The following KCNIP4 variants were observed in gnomAD, a reference collection of about 807,000 sequenced individuals.
KCNIP4 encodes potassium voltage-gated channel interacting protein 4.
A neutral mutation model predicts 34.0 loss-of-function variants in KCNIP4; 12 were observed. The observed-to-expected ratio is 0.35, with a 90% confidence interval of 0.23 to 0.57. The LOEUF is 0.57. Ranked by LOEUF, KCNIP4 falls within the 20% of genes least tolerant of loss-of-function variation. The probability of loss-of-function intolerance (pLI) is 0.83; values close to 1 mark genes in which losing one functional copy is unlikely to be tolerated. For synonymous variants in KCNIP4, 124 were observed against 102.2 expected, an observed-to-expected ratio of 1.21 and a Z score of -1.29; for missense variants, 238 against 311.7, an observed-to-expected ratio of 0.76 and a Z score of 1.78.
intron 1 of KCNIP4, among the ~76,000 whole-genome samples, chr4:21,072,422 T>C (rs1303588431): frequency 6.6e-6 from 1 of 152,220 alleles, no homozygotes; most frequent in African/African-American, 2.4e-5. Context: ...CATGTGTCTG[T>C]TGGCTGCATA....
Position 20,835,824 on chromosome 4 carries a change from GTTGT to G in KCNIP4, c.288+14715_288+14718del, listed in dbSNP as rs1460782045. Among the ~76,000 whole-genome samples, 23 of 152,026 alleles carry G rather than the reference GTTGT, an allele frequency of 1.5e-4. No individual in the cohort carries two copies. The South Asian group carries it at 1.9e-3, about 12-fold the overall frequency. On this transcript the variant is annotated intron_variant, in intron 3 of 8. Transcript: ENST00000382152. ...AGTAAATGGTAAGAATACCTGCCTA[GTTGT>G]TTAAGTCAGAAAACTTGGAATCATC...
At chr4:21,336,947 G>A (rs1716235738) in intron 1 of KCNIP4, among the ~76,000 whole-genome samples, 1 of 151,952 alleles carries the variant, frequency 6.6e-6, no homozygotes, top group African/African-American at 2.4e-5. Flanking sequence ...TCTAAATAGG[G>A]GTGAGGAAGA....
At chr4:21,280,865 G>C (rs1267444945) in intron 1 of KCNIP4, among the ~76,000 whole-genome samples, 1 of 152,140 alleles carries the variant, frequency 6.6e-6, no homozygotes, top group African/African-American at 2.4e-5. Flanking sequence ...GTGGGCCATA[G>C]TGGTTTGGGT....
chr4:21,640,775 C>T, intron 1 of KCNIP4, among the ~76,000 whole-genome samples: 1 of 152,148 alleles, frequency 6.6e-6, no homozygotes, highest in East Asian at 1.9e-4. Context: ...CAAGAGAAGG[C>T]TCTGCAACAG....
chr4:21,577,522 T>C (rs369504752), intron 1 of KCNIP4, among the ~76,000 whole-genome samples: 38 of 152,146 alleles, frequency 2.5e-4, no homozygotes, highest in African/African-American at 8.7e-4. Flanking sequence ...TCCCAGCTAC[T>C]TGGGAGGCTG....
At chr4:21,379,714 C>T (rs1721302367) in intron 1 of KCNIP4, among the ~76,000 whole-genome samples, 1 of 152,190 alleles carries the variant, frequency 6.6e-6, no homozygotes. Context: ...CTTCATCCTT[C>T]AAGAAACAGT....
At chr4:21,588,050 T>C (rs1741783931) in intron 1 of KCNIP4, among the ~76,000 whole-genome samples, 1 of 152,002 alleles carries the variant, frequency 6.6e-6, no homozygotes, top group South Asian at 2.1e-4. Flanking sequence ...ATTTTAGTTA[T>C]CCCCTTTGAA....
intron 1 of KCNIP4, among the ~76,000 whole-genome samples, chr4:21,492,556 G>A (rs1346363521): frequency 1.3e-5 from 2 of 152,140 alleles, no homozygotes; most frequent in Admixed American, 6.5e-5. Flanking sequence ...ATTATTGGCT[G>A]TTTTGCCAAG....
At chr4:21,058,271 T>C (rs894553181) in intron 1 of KCNIP4, among the ~76,000 whole-genome samples, 15 of 151,612 alleles carry the variant, frequency 9.9e-5, no homozygotes, top group African/African-American at 3.2e-4. Flanking sequence ...CCAAGAATAA[T>C]AGAAAAAGAA....
intron 1 of KCNIP4, among the ~76,000 whole-genome samples, chr4:21,542,814 G>A (rs1353038075): frequency 1.3e-5 from 2 of 151,366 alleles, no homozygotes; most frequent in African/African-American, 2.4e-5. Context: ...GTGAATCTAA[G>A]TAACAAAGAG....
intron 1 of KCNIP4, among the ~76,000 whole-genome samples, chr4:21,001,398 G>A (rs996046556): frequency 6.6e-6 from 1 of 152,138 alleles, no homozygotes; most frequent in Non-Finnish European, 1.5e-5. Context: ...CTCCAAGTGG[G>A]TCCTGAAATG....
At chr4:21,438,434 A>G (rs1385169639) in intron 1 of KCNIP4, among the ~76,000 whole-genome samples, 1 of 152,234 alleles carries the variant, frequency 6.6e-6, no homozygotes, top group Non-Finnish European at 1.5e-5. Context: ...AATAAGAAAT[A>G]CATATTACTG....
At chr4:20,874,045 G>A (rs1309074596) in intron 2 of KCNIP4, among the ~76,000 whole-genome samples, 2 of 152,144 alleles carry the variant, frequency 1.3e-5, no homozygotes, top group African/African-American at 2.4e-5. Flanking sequence ...CATCGTAGTA[G>A]CAGGAGAATG....
At chr4:21,858,982 G>A (rs1296427120) in intron 1 of KCNIP4, among the ~76,000 whole-genome samples, 1 of 152,176 alleles carries the variant, frequency 6.6e-6, no homozygotes, top group Non-Finnish European at 1.5e-5. Flanking sequence ...CTGTGTGGGA[G>A]TAAAGAAGAG....
Position 21,027,957 on chromosome 4 carries a change from G to A in KCNIP4, c.62-145248C>T, listed in dbSNP as rs147363308. Among the ~76,000 whole-genome samples, 41 of 151,918 alleles carry A rather than the reference G, an allele frequency of 2.7e-4. No homozygotes were observed. The East Asian group carries it at 4.3e-3, about 16-fold the overall frequency. On this transcript the variant is annotated intron_variant, in intron 1 of 8. Transcript: ENST00000382152. ...AATAATTAATTACCTTTTCAACATC[G>A]CCACTTCGATTTCTAATAGACATCT...
At chr4:21,169,475 G>A (rs1160143405) in intron 1 of KCNIP4, among the ~76,000 whole-genome samples, 1 of 151,990 alleles carries the variant, frequency 6.6e-6, no homozygotes, top group Admixed American at 6.6e-5. Flanking sequence ...CTCTAGAGAT[G>A]GTTACTTAAG....
intron 3 of KCNIP4, among the ~76,000 whole-genome samples, chr4:20,837,060 G>A (rs370642243): frequency 1.3e-5 from 2 of 152,098 alleles, no homozygotes; most frequent in Admixed American, 1.3e-4. Context: ...GTTGGTGCTC[G>A]ATGCTTAATA....
intron 1 of KCNIP4, among the ~76,000 whole-genome samples, chr4:21,228,889 C>G (rs1035016566): frequency 1.3e-5 from 2 of 152,180 alleles, no homozygotes; most frequent in African/African-American, 4.8e-5. Context: ...CCGTTGTGAT[C>G]AGGTGAAGCT....
chr4:20,853,158 A>C (rs2149486118), intron 2 of KCNIP4, among the ~76,000 whole-genome samples: 1 of 152,330 alleles, frequency 6.6e-6, no homozygotes, highest in South Asian at 2.1e-4. Context: ...GAACCAAAAA[A>C]GAGCCCGCAT....
Sources: gnomAD v4.1 joint callset for allele counts (sites outside exome capture counted in the v4.1 genomes callset) on GRCh38, gnomAD v4.1.1 for gene constraint, MANE v1.5 for transcripts, NCBI Gene and HGNC (gene_info 2026-07-23, HGNC 2026-07-21) for gene names.